Variants in C16orf87 observed in about 807,000 individuals in gnomAD.
The protein encoded by C16orf87 is UPF0547 protein C16orf87.
C16orf87 carries 13 observed loss-of-function variants against 21.0 expected under a neutral mutation model. The ratio of observed to expected loss-of-function variants is 0.62; its 90% CI spans 0.40 to 0.98. C16orf87 has a LOEUF of 0.98. Ranked by LOEUF, C16orf87 falls within the 50% of genes least tolerant of loss-of-function variation. C16orf87 has a pLI of 0.00. For missense variants in C16orf87, 113 were observed against 180.4 expected, an observed-to-expected ratio of 0.63 and a Z score of 2.14; for synonymous variants, 49 against 60.2, an observed-to-expected ratio of 0.81 and a Z score of 0.86.
chr16:46,830,307 A>AGAGAGAGAGAGAGAGG (rs758468161), intron 1 of C16orf87, among the ~76,000 whole-genome samples: 4 of 109,142 alleles, frequency 3.7e-5, no homozygotes, highest in East Asian at 2.7e-4. Context: ...AGAGAGAGAG[A>AGAGAGAGAGAGAGAGG]GACACACAGA....
At chr16:46,815,502 G>C (rs1968215129) in intron 2 of C16orf87, among the ~76,000 whole-genome samples, 1 of 151,418 alleles carries the variant, frequency 6.6e-6, no homozygotes, top group Non-Finnish European at 1.5e-5. Context: ...TATTATAAGA[G>C]ATTAATATTC....
At chr16:46,825,383 A>C (rs1444820235) in intron 1 of C16orf87, among the ~76,000 whole-genome samples, 1 of 152,192 alleles carries the variant, frequency 6.6e-6, no homozygotes, top group Admixed American at 6.5e-5. Context: ...AGAAGATATC[A>C]ACTACCACTG....
intron 2 of C16orf87, among the ~76,000 whole-genome samples, chr16:46,816,968 G>A (rs1421122730): frequency 6.6e-6 from 1 of 152,198 alleles, no homozygotes; most frequent in Non-Finnish European, 1.5e-5. Context: ...TTCTTAAGGT[G>A]GAAGAAAGAG....
intron 1 of C16orf87, among the ~76,000 whole-genome samples, chr16:46,828,647 C>T (rs1349291675): frequency 6.6e-6 from 1 of 151,990 alleles, no homozygotes; most frequent in Non-Finnish European, 1.5e-5. Flanking sequence ...CAAACTTACA[C>T]ACCCACATAA....
chr16:46,804,082 T>C (rs1463274729), intron 3 of C16orf87, among the ~76,000 whole-genome samples: 1 of 152,234 alleles, frequency 6.6e-6, no homozygotes, highest in East Asian at 1.9e-4. Flanking sequence ...CCTGAAGTGA[T>C]TCTCTTTTTA....
intron 3 of C16orf87, among the ~76,000 whole-genome samples, chr16:46,805,758 C>T (rs1007178289): frequency 6.6e-6 from 1 of 152,344 alleles, no homozygotes; most frequent in Non-Finnish European, 1.5e-5. Context: ...TCCAATTAGG[C>T]CACTTCTCTG....
At position 46,817,199 on chromosome 16, in the gene C16orf87, C is replaced by A. The variant is rs113966743; in HGVS notation, c.163+7187G>T. ...GACCTGAGCTTTCAGATGGAAAGGACCCACTGAATGCCAAGGAAGAATGAG... is the reference window on the plus strand; with the variant it reads ...GACCTGAGCTTTCAGATGGAAAGGAACCACTGAATGCCAAGGAAGAATGAG... On this transcript the variant is annotated intron_variant, in intron 2 of 3. Coordinates refer to ENST00000285697, the MANE Select transcript of C16orf87 (RefSeq NM_001001436.4). Among the ~76,000 whole-genome samples the A allele has an allele frequency of 2.1e-3, 314 of 152,196 alleles. 1 individual carries two copies. Among genetic ancestry groups the A allele is most frequent in the African/African-American group, 7.1e-3 (296 of 41,520 alleles).
chr16:46,821,333 C>A (rs1336177259), intron 2 of C16orf87, among the ~76,000 whole-genome samples: 1 of 152,192 alleles, frequency 6.6e-6, no homozygotes, highest in African/African-American at 2.4e-5. Flanking sequence ...TTCTGACCCC[C>A]ACGTCTGTAC....
chr16:46,830,436 G>A (rs1473747204), intron 1 of C16orf87, among the ~76,000 whole-genome samples: 1 of 152,056 alleles, frequency 6.6e-6, no homozygotes, highest in Non-Finnish European at 1.5e-5. Flanking sequence ...CTTAAACAGG[G>A]GCTTTATTCA....
At position 46,809,687 on chromosome 16, in the gene C16orf87, G is replaced by C; in HGVS notation, c.262C>G (p.Arg88Gly). 6.2e-7 allele frequency: 1 copy of C among 1,609,674 alleles called. No homozygotes were observed. The highest frequency in any genetic ancestry group is 8.5e-7 in the Non-Finnish European group (1 of 1,176,506). The change falls in exon 3 of 4, where the codon CGA (arginine) becomes GGA (glycine). Residue 88 changes from arginine to glycine, a missense_variant. Coordinates refer to ENST00000285697, the MANE Select transcript of C16orf87 (RefSeq NM_001001436.4). ...ATATGATCTGAATGGCTGTTACTTC[G>C]AGACCTCTTTCTGTTTTCTAAATCT... ...NKDLENRKRS[R>G]SNSHSDHIRR...
chr16:46,813,557 A>G (rs1173727495), intron 2 of C16orf87, among the ~76,000 whole-genome samples: 1 of 152,056 alleles, frequency 6.6e-6, no homozygotes, highest in Non-Finnish European at 1.5e-5. Flanking sequence ...ATTTAAACTA[A>G]AAATTCCTTA....
At chr16:46,825,627 T>C (rs1959585331) in intron 1 of C16orf87, among the ~76,000 whole-genome samples, 1 of 152,092 alleles carries the variant, frequency 6.6e-6, no homozygotes, top group Non-Finnish European at 1.5e-5. Flanking sequence ...TTATTGACTA[T>C]AGGACTGGGC....
At chr16:46,816,639 A>G (rs1968251925) in intron 2 of C16orf87, among the ~76,000 whole-genome samples, 1 of 152,302 alleles carries the variant, frequency 6.6e-6, no homozygotes, top group East Asian at 1.9e-4. Flanking sequence ...CTATGACAGA[A>G]CTGCTAATTA....
rs1967664761 is a variant in C16orf87, at chr16:46,798,134, A to G, written c.*4818T>C. 6.6e-6 allele frequency: 1 copy of G among 152,222 alleles called. No homozygotes were observed. The highest frequency in any genetic ancestry group is 2.4e-5 in the African/African-American group (1 of 41,472). The allele number at this position is 152,222 out of a possible 1,614,324, so 9.4% of individuals were successfully genotyped here. On this transcript the variant is annotated 3_prime_UTR_variant, in exon 4 of 4. Transcript: ENST00000285697. ...AATAAGCTAGAAAAGGGAGCAAATA[A>G]GCCCAAAGCAAAGAAAGGAGAAAAT... is the stretch of plus-strand genomic sequence containing the variant.
At chr16:46,828,198 G>A (rs1006160541) in intron 1 of C16orf87, among the ~76,000 whole-genome samples, 1 of 152,090 alleles carries the variant, frequency 6.6e-6, no homozygotes, top group African/African-American at 2.4e-5. Flanking sequence ...AAAGTACTGG[G>A]ATTACAGGTG....
intron 1 of C16orf87, among the ~76,000 whole-genome samples, chr16:46,829,174 C>T (rs1434810313): frequency 6.6e-6 from 1 of 152,074 alleles, no homozygotes; most frequent in Admixed American, 6.6e-5. Context: ...GAGCTTGACC[C>T]TCTTTCTGCC....
chr16:46,824,324 C>G (rs1399654563), intron 2 of C16orf87, 62 bp downstream of exon 2: 3 of 783,626 alleles, frequency 3.8e-6, no homozygotes, highest in Non-Finnish European at 6.4e-6. Flanking sequence ...ATAGAAACTT[C>G]ACAAAAATTA....
At chr16:46,818,964 T>TC (rs1409773362) in intron 2 of C16orf87, among the ~76,000 whole-genome samples, 2 of 152,376 alleles carry the variant, frequency 1.3e-5, no homozygotes, top group Middle Eastern at 3.4e-3. Flanking sequence ...CTTTACTTCA[T>TC]CCTCTCCATA....
intron 1 of C16orf87, among the ~76,000 whole-genome samples, chr16:46,825,814 T>A (rs1435249895): frequency 6.6e-6 from 1 of 150,614 alleles, no homozygotes; most frequent in Non-Finnish European, 1.5e-5. Flanking sequence ...CTTGGGTGGC[T>A]GAGGCAGGAG....
Sources: gnomAD v4.1 joint callset for allele counts (sites outside exome capture counted in the v4.1 genomes callset) on GRCh38, gnomAD v4.1.1 for gene constraint, MANE v1.5 for transcripts, NCBI Gene and HGNC (gene_info 2026-07-23, HGNC 2026-07-21) for gene names.